Variants in COL19A1 observed in about 807,000 individuals in gnomAD.
COL19A1 encodes collagen alpha-1(XIX) chain.
Under a neutral mutation model 190.2 loss-of-function variants are expected in COL19A1, and 159 were observed. The ratio of observed to expected loss-of-function variants is 0.84; its 90% CI spans 0.73 to 0.95. The LOEUF (loss-of-function observed/expected upper bound fraction) is 0.95. Ranked by LOEUF, COL19A1 falls within the 40% of genes least tolerant of loss-of-function variation. The probability of loss-of-function intolerance (pLI) is 0.00; values close to 1 mark genes in which losing one functional copy is unlikely to be tolerated. For synonymous variants in COL19A1, 509 were observed against 458.9 expected (o/e 1.11, Z -1.39); for missense variants, 1,418 against 1,431.9 (o/e 0.99, Z 0.16).
intron 36 of COL19A1, among the ~76,000 whole-genome samples, chr6:70,165,730 T>C (rs1282747180): frequency 6.6e-6 from 1 of 152,116 alleles, no homozygotes; most frequent in African/African-American, 2.4e-5. Flanking sequence ...AGAGTCAGAA[T>C]GGGTATGGGA....
chr6:70,125,541 AC>A (rs1785144787), intron 17 of COL19A1, among the ~76,000 whole-genome samples: 1 of 151,920 alleles, frequency 6.6e-6, no homozygotes, highest in South Asian at 2.1e-4. Context: ...GGTATGAGAA[AC>A]CCTCTCTCCT....
rs750865834 is a variant in COL19A1, at chr6:70,034,282, G to A, written c.1118G>A (p.Gly373Asp). 1.4e-4 allele frequency: 218 copies of A among 1,612,828 alleles called. No individual in the cohort carries two copies. Among genetic ancestry groups the A allele is most frequent in the Non-Finnish European group, 1.7e-4 (203 of 1,179,044 alleles). ...KGDLGPHGPP[G>D]PKGEKGDTGP... ...GACTTGGGTCCTCATGGTCCACCTG[G>A]CCCAAAAGGAGAAAAGGTATTGTGT... Residue 373 changes from glycine (G) to aspartate (D), a missense_variant, in exon 13 of 51, where the codon GGC becomes GAC. Transcript: ENST00000620364.
intron 1 of COL19A1, among the ~76,000 whole-genome samples, chr6:69,870,442 G>C (rs1243047173): frequency 6.6e-6 from 1 of 152,228 alleles, no homozygotes; most frequent in Non-Finnish European, 1.5e-5. Flanking sequence ...CATGGCATTT[G>C]AGCTACACGT....
chr6:69,874,434 C>T (rs2149936068), intron 1 of COL19A1, among the ~76,000 whole-genome samples: 1 of 152,250 alleles, frequency 6.6e-6, no homozygotes, highest in East Asian at 1.9e-4. Flanking sequence ...TAATAGAACC[C>T]TCAAATAGCG....
At chr6:70,055,054 A>G (rs901779209) in intron 14 of COL19A1, among the ~76,000 whole-genome samples, 1 of 152,158 alleles carries the variant, frequency 6.6e-6, no homozygotes, top group Non-Finnish European at 1.5e-5. Flanking sequence ...ATAGAGAGAA[A>G]TTCCTCCAAA....
intron 17 of COL19A1, among the ~76,000 whole-genome samples, chr6:70,128,546 C>T (rs1785335632): frequency 6.6e-6 from 1 of 152,108 alleles, no homozygotes; most frequent in Non-Finnish European, 1.5e-5. Flanking sequence ...CATTAGAGGG[C>T]CACATCAGTG....
chr6:70,018,239 G>C (rs1366419531), intron 11 of COL19A1, among the ~76,000 whole-genome samples: 1 of 152,144 alleles, frequency 6.6e-6, no homozygotes, highest in African/African-American at 2.4e-5. Flanking sequence ...AAGTGAATTT[G>C]TAGATTTCAT....
At chr6:70,052,595 T>A (rs1780267716) in intron 14 of COL19A1, among the ~76,000 whole-genome samples, 1 of 152,220 alleles carries the variant, frequency 6.6e-6, no homozygotes, top group Non-Finnish European at 1.5e-5. Flanking sequence ...CCATTTCTTG[T>A]AGAATGCTGT....
At chr6:70,154,502 T>A (rs1787310677) in intron 31 of COL19A1, among the ~76,000 whole-genome samples, 1 of 152,150 alleles carries the variant, frequency 6.6e-6, no homozygotes, top group East Asian at 1.9e-4. Flanking sequence ...ACCCAGCATT[T>A]TTGAGATGAT....
chr6:69,891,450 G>A (rs892572011), intron 2 of COL19A1, among the ~76,000 whole-genome samples: 1 of 152,132 alleles, frequency 6.6e-6, no homozygotes, highest in African/African-American at 2.4e-5. Flanking sequence ...GATTCAGGAT[G>A]CATTTGAAAG....
intron 4 of COL19A1, among the ~76,000 whole-genome samples, chr6:69,920,504 G>A (rs758494599): frequency 1.3e-5 from 2 of 152,124 alleles, no homozygotes; most frequent in Non-Finnish European, 2.9e-5. Flanking sequence ...TCTAGAGCTG[G>A]CTCCCTCCCT....
At chr6:70,119,759 C>T (rs1386240427) in intron 16 of COL19A1, among the ~76,000 whole-genome samples, 2 of 152,146 alleles carry the variant, frequency 1.3e-5, no homozygotes, top group Non-Finnish European at 2.9e-5. Context: ...TTAGTTAATT[C>T]CTGCTGTAAT....
chr6:69,911,393 C>T (rs1891015), intron 4 of COL19A1, among the ~76,000 whole-genome samples: 45,299 of 151,078 alleles, frequency 0.3, 8,211 homozygotes, highest in African/African-American at 0.51. Flanking sequence ...ACTTTTTTTT[C>T]CCCCAAATTA....
chr6:69,983,023 T>A (rs111315208), intron 11 of COL19A1, among the ~76,000 whole-genome samples: 6,475 of 136,474 alleles, frequency 0.047, 185 homozygotes, highest in East Asian at 0.15. Context: ...TAAATAAATA[T>A]AAAATAAAAT....
chr6:70,071,458 A>T (rs552856604), intron 15 of COL19A1, among the ~76,000 whole-genome samples: 1 of 152,284 alleles, frequency 6.6e-6, no homozygotes, highest in East Asian at 1.9e-4. Flanking sequence ...TCTTACACTT[A>T]AAAGCTATTC....
At chr6:70,091,114 G>A (rs112027139) in intron 15 of COL19A1, among the ~76,000 whole-genome samples, 2 of 151,960 alleles carry the variant, frequency 1.3e-5, no homozygotes, top group Non-Finnish European at 2.9e-5. Context: ...TCCAAAATTC[G>A]TATCTTTATT....
At chr6:70,187,321 A>G (rs1212708773) in intron 46 of COL19A1, among the ~76,000 whole-genome samples, 1 of 115,190 alleles carries the variant, frequency 8.7e-6, no homozygotes, top group Non-Finnish European at 1.9e-5. Context: ...CAGTGATCAC[A>G]CTCAACGTGC....
chr6:70,163,467 G>A, intron 36 of COL19A1, 71 bp downstream of exon 36: 1 of 1,392,622 alleles, frequency 7.2e-7, no homozygotes, highest in Non-Finnish European at 1.0e-6. Context: ...ACTCTTCACA[G>A]AGAGAGCCAT....
At chr6:70,173,711 G>A (rs564378705) in intron 41 of COL19A1, among the ~76,000 whole-genome samples, 3 of 152,318 alleles carry the variant, frequency 2.0e-5, no homozygotes, top group East Asian at 3.9e-4. Context: ...AAAAAAAATA[G>A]AGTCAGCAAG....
Sources: gnomAD v4.1 joint callset for allele counts (sites outside exome capture counted in the v4.1 genomes callset) on GRCh38, gnomAD v4.1.1 for gene constraint, MANE v1.5 for transcripts, NCBI Gene and HGNC (gene_info 2026-07-23, HGNC 2026-07-21) for gene names.